The following RNLS variants were observed in gnomAD, a reference collection of about 807,000 sequenced individuals.
RNLS encodes renalase, FAD dependent amine oxidase.
Under a neutral mutation model 39.8 loss-of-function variants are expected in RNLS, and 39 were observed. The observed-to-expected ratio is 0.98, with a 90% CI of 0.76 to 1.28. The LOEUF (loss-of-function observed/expected upper bound fraction) is 1.28. RNLS is among the 50% of genes most tolerant of loss of function. RNLS has a pLI of 0.00. For synonymous variants in RNLS, 147 were observed against 150.7 expected (o/e 0.98, Z 0.18); for missense variants, 410 against 413.3 (o/e 0.99, Z 0.07).
rs74147213 is a variant in RNLS at position 88,539,306 on chromosome 10, T to C, written c.526+33597A>G. 5.3e-3 allele frequency among the ~76,000 whole-genome samples: 808 copies of C among 152,230 alleles called. 11 individuals are homozygous for C. The highest frequency in any genetic ancestry group is 0.018 in the African/African-American group (742 of 41,550). On this transcript the variant is annotated intron_variant, in intron 4 of 6. Transcript: ENST00000331772. ...TCACATATAGTATGCACATATAATA[T>C]CACATATTGAAAATACTAAAAATTG...
chr10:88,557,489 A>G (rs956467360), intron 4 of RNLS, among the ~76,000 whole-genome samples: 7 of 152,198 alleles, frequency 4.6e-5, no homozygotes, highest in African/African-American at 1.7e-4. Context: ...GTCAGTGTAT[A>G]AACAAGTCTC....
At chr10:88,487,848 A>G (rs1040510272) in intron 4 of RNLS, among the ~76,000 whole-genome samples, 1 of 152,218 alleles carries the variant, frequency 6.6e-6, no homozygotes, top group Non-Finnish European at 1.5e-5. Flanking sequence ...AGATGAATAA[A>G]TAAACACAGT....
chr10:88,575,665 T>C (rs1050636336), intron 3 of RNLS, among the ~76,000 whole-genome samples: 1 of 152,166 alleles, frequency 6.6e-6, no homozygotes, highest in African/African-American at 2.4e-5. Context: ...TCACAAAGAC[T>C]ATGTGTTTAA....
intron 4 of RNLS, among the ~76,000 whole-genome samples, chr10:88,406,885 A>G (rs1853308592): frequency 6.6e-6 from 1 of 152,108 alleles, no homozygotes; most frequent in South Asian, 2.1e-4. Flanking sequence ...GGAATGAATT[A>G]ACAGCATCTG....
chr10:88,237,601 C>A, the RNLS span, among the ~76,000 whole-genome samples: 1 of 152,050 alleles, frequency 6.6e-6, no homozygotes, highest in Admixed American at 6.5e-5. Context: ...AACTTGAGAC[C>A]ACAGAAAAGA....
chr10:88,352,831 C>A (rs141418889), intron 5 of RNLS, among the ~76,000 whole-genome samples: 5 of 151,986 alleles, frequency 3.3e-5, no homozygotes, highest in African/African-American at 1.2e-4. Flanking sequence ...GTCTGGTCCT[C>A]GACTTTTTTT....
intron 4 of RNLS, among the ~76,000 whole-genome samples, chr10:88,491,842 G>A (rs948648775): frequency 6.6e-6 from 1 of 152,036 alleles, no homozygotes; most frequent in Non-Finnish European, 1.5e-5. Flanking sequence ...ATATGAAATG[G>A]AGGTAATAAA....
intron 4 of RNLS, among the ~76,000 whole-genome samples, chr10:88,365,128 C>A (rs1329643087): frequency 6.6e-6 from 1 of 151,922 alleles, no homozygotes; most frequent in Admixed American, 6.6e-5. Flanking sequence ...CAGCAATTAA[C>A]CTTACACACC....
chr10:88,450,283 A>T (rs1158807971), intron 4 of RNLS, among the ~76,000 whole-genome samples: 1 of 152,192 alleles, frequency 6.6e-6, no homozygotes, highest in African/African-American at 2.4e-5. Context: ...TTAGAACTAG[A>T]TGTCATAACA....
intron 4 of RNLS, among the ~76,000 whole-genome samples, chr10:88,534,796 T>C (rs911907250): frequency 2.4e-4 from 37 of 152,206 alleles, no homozygotes; most frequent in African/African-American, 8.9e-4. Flanking sequence ...CTGGAGGAGA[T>C]GAGACCTTGA....
Position 88,424,691 on chromosome 10 carries a change from C to G in RNLS, c.527-61966G>C, listed in dbSNP as rs1049220000. 2.0e-5 allele frequency among the ~76,000 whole-genome samples: 3 copies of G among 152,084 alleles called. No homozygotes were observed. In the South Asian group the frequency reaches 6.2e-4, roughly 32 times the overall value. On this transcript the variant is annotated intron_variant, in intron 4 of 6. Coordinates refer to ENST00000331772, the MANE Select transcript of RNLS (RefSeq NM_001031709.3). ...GTAAAAGAAGCTGCTAATCTAGCCT[C>G]CATATAATGCTGACACATTACTCAG...
chr10:88,500,791 C>T (rs935194760), intron 4 of RNLS, among the ~76,000 whole-genome samples: 1 of 152,020 alleles, frequency 6.6e-6, no homozygotes, highest in Admixed American at 6.6e-5. Context: ...TTTTATTTCT[C>T]CTCTGATCTT....
intron 4 of RNLS, among the ~76,000 whole-genome samples, chr10:88,468,934 A>T (rs1843360199): frequency 6.6e-6 from 1 of 152,200 alleles, no homozygotes; most frequent in Non-Finnish European, 1.5e-5. Context: ...GAGTTGTTAA[A>T]TAAAGTATGG....
At chr10:88,392,063 T>C (rs1405811407) in intron 4 of RNLS, among the ~76,000 whole-genome samples, 1 of 152,240 alleles carries the variant, frequency 6.6e-6, no homozygotes, top group Non-Finnish European at 1.5e-5. Flanking sequence ...CATAATATTG[T>C]CTCTATGTGA....
chr10:88,555,511 T>G (rs1272908782), intron 4 of RNLS, among the ~76,000 whole-genome samples: 1 of 152,124 alleles, frequency 6.6e-6, no homozygotes, highest in African/African-American at 2.4e-5. Context: ...TCTCCTCATG[T>G]GATGCTCCAG....
At chr10:88,191,475 G>A in the RNLS span, among the ~76,000 whole-genome samples, 1 of 152,020 alleles carries the variant, frequency 6.6e-6, no homozygotes, top group South Asian at 2.1e-4. Context: ...TTTACATTGT[G>A]GATTAATCAA....
intron 4 of RNLS, among the ~76,000 whole-genome samples, chr10:88,476,283 C>G (rs1746509229): frequency 6.6e-6 from 1 of 152,088 alleles, no homozygotes; most frequent in Non-Finnish European, 1.5e-5. Context: ...GCATTGATGA[C>G]TTAGATTTTT....
chr10:88,357,387 T>A (rs1849273390), intron 5 of RNLS, among the ~76,000 whole-genome samples: 1 of 152,216 alleles, frequency 6.6e-6, no homozygotes, highest in Non-Finnish European at 1.5e-5. Context: ...TGTATCTCAC[T>A]TGTGGCACTA....
intron 4 of RNLS, among the ~76,000 whole-genome samples, chr10:88,473,789 A>G (rs898106559): frequency 8.5e-5 from 13 of 152,192 alleles, no homozygotes; most frequent in Non-Finnish European, 1.6e-4. Context: ...TTGACAGGTC[A>G]GGGCTCAGTG....
Sources: gnomAD v4.1 joint callset for allele counts (sites outside exome capture counted in the v4.1 genomes callset) on GRCh38, gnomAD v4.1.1 for gene constraint, MANE v1.5 for transcripts, NCBI Gene and HGNC (gene_info 2026-07-23, HGNC 2026-07-21) for gene names.